The following PPA1 variants were observed in gnomAD, a reference collection of about 807,000 sequenced individuals.
The protein encoded by PPA1 is inorganic pyrophosphatase.
A neutral mutation model predicts 41.8 loss-of-function variants in PPA1; 23 were observed. That is an observed-to-expected ratio of 0.55 (90% CI 0.40 to 0.78). The LOEUF (loss-of-function observed/expected upper bound fraction) is 0.78, where lower values mean the gene tolerates loss of function less well. PPA1 is among the 30% of genes least tolerant of loss of function. The probability of loss-of-function intolerance (pLI) is 0.00; values close to 1 mark genes in which losing one functional copy is unlikely to be tolerated. For missense variants in PPA1, 320 were observed against 361.6 expected, an observed-to-expected ratio of 0.89 and a Z score of 0.93; for synonymous variants, 101 against 116.8, an observed-to-expected ratio of 0.86 and a Z score of 0.87.
At chr10:70,221,055 A>ATTTTTATATAT (rs1232241016) in intron 2 of PPA1, among the ~76,000 whole-genome samples, 2 of 41,668 alleles carry the variant, frequency 4.8e-5, no homozygotes, top group African/African-American at 4.5e-4. Flanking sequence ...ATATATATAT[A>ATTTTTATATAT]ATTTATATAT....
At chr10:70,213,085 T>C (rs184894189) in intron 6 of PPA1, among the ~76,000 whole-genome samples, 137 of 152,014 alleles carry the variant, frequency 9.0e-4, no homozygotes, top group African/African-American at 3.2e-3. Flanking sequence ...AATTAGAGAG[T>C]GGTGATGGTT....
In PPA1 at chr10:70,204,787, T is replaced by C. The variant is rs976909080; in HGVS notation, c.838+86A>G. 1.0e-5 allele frequency: 11 copies of C among 1,076,202 alleles called. No individual in the cohort carries two copies. The South Asian group carries it at 1.5e-4, about 15-fold the overall frequency. 66.7% of individuals were successfully genotyped at this position (1,076,202 alleles called of 1,614,324 possible). A position where few individuals can be genotyped will look rare whatever the true frequency, so the allele number is the denominator to read the frequency against. On this transcript the variant is annotated intron_variant, in intron 10 of 10. Transcript: ENST00000373232. ...CTGTACCCATAAATATATTTAATTATCATTTGTCAACTAAAAATAAAAGTA... is the reference window on the plus strand; with the variant it reads ...CTGTACCCATAAATATATTTAATTACCATTTGTCAACTAAAAATAAAAGTA...
chr10:70,209,722 G>C (rs201256577), intron 6 of PPA1, 37 bp from the exon 7 acceptor site: 1 of 1,541,666 alleles, frequency 6.5e-7, no homozygotes, highest in Non-Finnish European at 8.8e-7. Context: ...CAGTGAGAAT[G>C]ATTTTTTTAA....
intron 2 of PPA1, among the ~76,000 whole-genome samples, chr10:70,227,430 G>A (rs1008387168): frequency 1.6e-4 from 24 of 152,128 alleles, no homozygotes; most frequent in Non-Finnish European, 1.5e-5. Context: ...TGGGCAGATC[G>A]CTTGAAACCA....
intron 2 of PPA1, 48 bp from the exon 3 acceptor site, chr10:70,218,865 C>A: frequency 7.3e-7 from 1 of 1,364,720 alleles, no homozygotes; most frequent in South Asian, 1.2e-5. Flanking sequence ...CCAATTTGTT[C>A]TCTGAGGGAG....
At chr10:70,209,329 G>T in intron 7 of PPA1, 39 bp from the exon 8 acceptor site, 4 of 1,473,838 alleles carry the variant, frequency 2.7e-6, no homozygotes, top group Middle Eastern at 4.8e-4. Flanking sequence ...TGATAAAAAG[G>T]TATTATTTTC....
chr10:70,204,580 G>C, intron 10 of PPA1: 1 of 284,872 alleles, frequency 3.5e-6, no homozygotes, highest in African/African-American at 2.2e-5. Context: ...TTAGACAAAA[G>C]GAATAAGCTT....
At chr10:70,221,131 G>T in intron 2 of PPA1, among the ~76,000 whole-genome samples, 1 of 109,936 alleles carries the variant, frequency 9.1e-6, no homozygotes, top group Non-Finnish European at 1.7e-5. Context: ...CCCCAGACTG[G>T]TAAAGTACAT....
At chr10:70,228,765 G>A (rs1002175455) in intron 2 of PPA1, among the ~76,000 whole-genome samples, 1 of 152,192 alleles carries the variant, frequency 6.6e-6, no homozygotes, top group Non-Finnish European at 1.5e-5. Flanking sequence ...ACCCAGGAAG[G>A]CTCCTGGGAA....
chr10:70,203,187 CTG>C lies in PPA1; in HGVS notation c.839-3_839-2del. 1 of 1,607,528 alleles carries C rather than the reference CTG, an allele frequency of 6.2e-7. No individual in the cohort carries two copies. ...TTCTGGTGATGGAACCACTTATCCA[CTG>C]TATTCAGAGAAAAGAAAAACAAATT... On this transcript the variant is annotated splice_acceptor_variant and splice_polypyrimidine_tract_variant and intron_variant, in intron 10 of 10. Transcript: ENST00000373232. LOFTEE classifies it high-confidence loss of function.
intron 1 of PPA1, among the ~76,000 whole-genome samples, chr10:70,231,182 G>T (rs556912958): frequency 9.3e-4 from 141 of 152,264 alleles, no homozygotes; most frequent in Admixed American, 1.9e-3. Context: ...ATATATTCTA[G>T]AGGCCTAACT....
At position 70,233,413 on chromosome 10, in the gene PPA1, C is replaced by A. The variant is rs1840316091; in HGVS notation, c.-86G>T. On this transcript the variant is annotated 5_prime_UTR_variant, in exon 1 of 11. Coordinates refer to ENST00000373232, the MANE Select transcript of PPA1 (RefSeq NM_021129.4). ...TGACAAGGAGAGAGCCCCACGCCTG[C>A]GCACTGCGAGCACTGGACCGGCGGG... 6.7e-6 allele frequency: 10 copies of A among 1,488,436 alleles called. No individual in the cohort carries two copies. Among genetic ancestry groups the A allele is most frequent in the Non-Finnish European group, 8.9e-6 (10 of 1,124,480 alleles). The allele number at this position is 1,488,436 out of a possible 1,614,324, so 92.2% of individuals were successfully genotyped here.
rs187499929 is a variant in PPA1, at chr10:70,233,394, G to T, written c.-67C>A. 18,376 of 1,518,768 alleles carry T rather than the reference G, an allele frequency of 0.012. 127 individuals are homozygous for T. Among genetic ancestry groups the T allele is most frequent in the Non-Finnish European group, 0.013 (15,199 of 1,138,038 alleles). 94.1% of individuals were successfully genotyped at this position (1,518,768 alleles called of 1,614,324 possible). ...GCCCGCACGCGGCGCCGACTGACAA[G>T]GAGAGAGCCCCACGCCTGCGCACTG... On this transcript the variant is annotated 5_prime_UTR_variant, in exon 1 of 11. Transcript: ENST00000373232.
At chr10:70,230,451 T>C in intron 1 of PPA1, 52 bp from the exon 2 acceptor site, 1 of 1,518,040 alleles carries the variant, frequency 6.6e-7, no homozygotes, top group Non-Finnish European at 9.0e-7. Flanking sequence ...TATTGCTAAA[T>C]GCCCACAGTA....
intron 2 of PPA1, among the ~76,000 whole-genome samples, chr10:70,229,194 T>C (rs1030677904): frequency 3.3e-4 from 50 of 152,364 alleles, no homozygotes; most frequent in African/African-American, 8.4e-4. Flanking sequence ...TTATAACACA[T>C]GTTCTTTGTA....
At chr10:70,219,958 T>C (rs1015963244) in intron 2 of PPA1, among the ~76,000 whole-genome samples, 1 of 152,136 alleles carries the variant, frequency 6.6e-6, no homozygotes, top group East Asian at 1.9e-4. Flanking sequence ...GCAATTACTG[T>C]TTTCTGTCAC....
chr10:70,204,302 G>GA (rs1279406079), intron 10 of PPA1: 2 of 152,278 alleles, frequency 1.3e-5, no homozygotes, highest in Admixed American at 1.3e-4. Flanking sequence ...TGAGATGGGA[G>GA]AATCACTTTA....
chr10:70,225,849 T>G (rs1388436768), intron 2 of PPA1, among the ~76,000 whole-genome samples: 2 of 152,204 alleles, frequency 1.3e-5, no homozygotes, highest in African/African-American at 2.4e-5. Context: ...AAGTTTTGGC[T>G]GTAAAGTTGG....
At chr10:70,207,500 C>T (rs1839959314) in intron 8 of PPA1, among the ~76,000 whole-genome samples, 1 of 152,118 alleles carries the variant, frequency 6.6e-6, no homozygotes, top group Non-Finnish European at 1.5e-5. Flanking sequence ...AAGACACTGT[C>T]TCTACAACAA....
Sources: gnomAD v4.1 joint callset for allele counts (sites outside exome capture counted in the v4.1 genomes callset) on GRCh38, gnomAD v4.1.1 for gene constraint, MANE v1.5 for transcripts, NCBI Gene and HGNC (gene_info 2026-07-23, HGNC 2026-07-21) for gene names.